GRAMD2A: variants seen among roughly 807,000 people sequenced by gnomAD.
GRAMD2A encodes GRAM domain-containing protein 2A.
GRAMD2A carries 37 observed loss-of-function variants against 51.1 expected under a neutral mutation model. That is an observed-to-expected ratio of 0.72 (90% CI 0.56 to 0.95). The LOEUF (loss-of-function observed/expected upper bound fraction) is 0.95, where lower values mean the gene tolerates loss of function less well. GRAMD2A is among the 40% of genes least tolerant of loss of function. The pLI, the probability that GRAMD2A is intolerant of heterozygous loss-of-function variation, is 0.00. For missense variants in GRAMD2A, 414 were observed against 426.9 expected, an observed-to-expected ratio of 0.97 and a Z score of 0.27; for synonymous variants, 136 against 157.1, an observed-to-expected ratio of 0.87 and a Z score of 1.01.
At position 72,166,606 on chromosome 15, in the gene GRAMD2A, G is replaced by A; in HGVS notation, c.543+26C>T. ...GCATCCAGGCCTGAGCGACTTCCCT[G>A]GCCTTCCTGCTCCCAAGCTCCATAC... is the stretch of plus-strand genomic sequence containing the variant. On this transcript the variant is annotated intron_variant, in intron 7 of 11. Transcript: ENST00000309731. This position sits in a 1 kb window ranked among gnomAD's most constrained non-coding sequence, Gnocchi z 4.1. The A allele has an allele frequency of 6.3e-7, 1 of 1,590,534 alleles. No individual in the cohort carries two copies. Among genetic ancestry groups the A allele is most frequent in the South Asian group, 1.1e-5 (1 of 90,572 alleles).
intron 1 of GRAMD2A, among the ~76,000 whole-genome samples, chr15:72,187,101 A>G (rs994477786): frequency 1.3e-5 from 2 of 151,916 alleles, no homozygotes; most frequent in African/African-American, 4.8e-5. Flanking sequence ...GTAGAGGTAG[A>G]GTGAGCTGAG....
chr15:72,183,641 C>G (rs2081714454), intron 1 of GRAMD2A, among the ~76,000 whole-genome samples: 1 of 152,074 alleles, frequency 6.6e-6, no homozygotes, highest in Non-Finnish European at 1.5e-5. Flanking sequence ...ACCAGCCTGG[C>G]CAACATGGTG....
chr15:72,195,877 G>T (rs1378406298), intron 1 of GRAMD2A, among the ~76,000 whole-genome samples: 1 of 151,332 alleles, frequency 6.6e-6, no homozygotes, highest in African/African-American at 2.4e-5. Context: ...CCGAGATCAC[G>T]CCATTGCACT....
In GRAMD2A at chr15:72,168,576, C is replaced by G. The variant is rs1270451874; in HGVS notation, c.193-10G>C. The G allele has an allele frequency of 1.9e-6, 3 of 1,612,174 alleles. No individual in the cohort carries two copies. Among genetic ancestry groups the G allele is most frequent in the Admixed American group, 1.7e-5 (1 of 60,022 alleles). On this transcript the variant is annotated splice_polypyrimidine_tract_variant and intron_variant, in intron 3 of 11. Coordinates refer to ENST00000309731, the MANE Select transcript of GRAMD2A (RefSeq NM_001012642.3). ...ATTTATTCAGTGTTATCTGCAAACA[C>G]ACAGGCTGCGTCTGAGAAGCGCTGG...
In GRAMD2A at chr15:72,163,248, C is replaced by T. The variant is rs1369148804; in HGVS notation, c.956+18G>A. On this transcript the variant is annotated intron_variant, in intron 10 of 11. Transcript: ENST00000309731. ...ACATGCAGGTGGGTCTGTCCCCCTC[C>T]CCAGTATAGTCACTTACAGCACAAA... 1.9e-6 allele frequency: 3 copies of T among 1,590,984 alleles called. No homozygotes were observed. Among genetic ancestry groups the T allele is most frequent in the Non-Finnish European group, 2.6e-6 (3 of 1,159,106 alleles).
intron 4 of GRAMD2A, 65 bp from the exon 5 acceptor site, chr15:72,167,904 G>A (rs2081566152): frequency 1.7e-6 from 2 of 1,158,808 alleles, no homozygotes; most frequent in Non-Finnish European, 2.6e-6. Context: ...CAGGACCTGG[G>A]TCCTCACGTT....
chr15:72,172,132 T>A (rs922619356), intron 1 of GRAMD2A, among the ~76,000 whole-genome samples: 2 of 151,862 alleles, frequency 1.3e-5, no homozygotes, highest in Non-Finnish European at 2.9e-5. Flanking sequence ...GGCCTTTTTT[T>A]TTTTGAGACA....
chr15:72,167,956 C>A lies in GRAMD2A; in HGVS notation c.269-117G>T, dbSNP rs879602163. 6.9e-6 allele frequency: 5 copies of A among 722,050 alleles called. No individual in the cohort carries two copies. The East Asian group carries it at 1.3e-4, about 19-fold the overall frequency. 44.7% of individuals were successfully genotyped at this position (722,050 alleles called of 1,614,324 possible). A position where few individuals can be genotyped will look rare whatever the true frequency, so the allele number is the denominator to read the frequency against. ...AGCCTCAGGACCTGTCTTCCTCAGA[C>A]TCCCCCTTCCCCACCGCAGGCCCCA... On this transcript the variant is annotated intron_variant, in intron 4 of 11. Transcript: ENST00000309731.
chr15:72,169,662 G>A (rs2081588331), intron 2 of GRAMD2A, 185 bp downstream of exon 2: 1 of 697,944 alleles, frequency 1.4e-6, no homozygotes, highest in Non-Finnish European at 2.6e-6. Flanking sequence ...ACTCTGCTAG[G>A]TCCCAGTGCA....
At position 72,181,102 on chromosome 15, in the gene GRAMD2A, A is replaced by G. The variant is rs1383278766; in HGVS notation, c.42-11163T>C. Among the ~76,000 whole-genome samples the G allele has an allele frequency of 2.0e-5, 3 of 152,248 alleles. No individual in the cohort carries two copies. The East Asian group carries it at 5.8e-4, about 29-fold the overall frequency. On this transcript the variant is annotated intron_variant, in intron 1 of 11. Coordinates refer to ENST00000309731, the MANE Select transcript of GRAMD2A (RefSeq NM_001012642.3). ...GGGGTTGCCATATACAAAGGCCCCA[A>G]GGCCAGAAGTGTGCAGCATGTGTGA...
At position 72,170,421 on chromosome 15, in the gene GRAMD2A, G is replaced by T; in HGVS notation, c.42-482C>A. The T allele has an allele frequency of 2.2e-6, 1 of 456,188 alleles. No homozygotes were observed. Among genetic ancestry groups the T allele is most frequent in the South Asian group, 1.5e-5 (1 of 64,558 alleles). The allele number at this position is 456,188 out of a possible 1,614,324, so 28.3% of individuals were successfully genotyped here. On this transcript the variant is annotated intron_variant, in intron 1 of 11. Coordinates refer to ENST00000309731, the MANE Select transcript of GRAMD2A (RefSeq NM_001012642.3). This position sits in a 1 kb window ranked among gnomAD's most constrained non-coding sequence, Gnocchi z 4.5. ...CTTATCAAAGCTCAGGAGCTGATGC[G>T]CTGAAGGTGTGGGAGGTGGACGCCC...
At chr15:72,176,403 C>T (rs2081653236) in intron 1 of GRAMD2A, 1 of 152,322 alleles carries the variant, frequency 6.6e-6, no homozygotes, top group Admixed American at 6.5e-5. Flanking sequence ...GGTGACCGCA[C>T]TCTCCCAAGC....
chr15:72,172,141 C>T (rs1166581878), intron 1 of GRAMD2A, among the ~76,000 whole-genome samples: 1 of 145,148 alleles, frequency 6.9e-6, no homozygotes, highest in African/African-American at 2.6e-5. Flanking sequence ...TTTTTTGAGA[C>T]AGGGTTTCAC....
intron 1 of GRAMD2A, among the ~76,000 whole-genome samples, chr15:72,176,987 C>T (rs1596690958): frequency 6.6e-6 from 1 of 151,576 alleles, no homozygotes; most frequent in African/African-American, 2.4e-5. Context: ...GCCTAAGCCT[C>T]CCAAAGTAGG....
rs934851125 is a variant in GRAMD2A at position 72,166,342 on chromosome 15, G to T, written c.543+290C>A. ...GTGTACCTCTATTAAACACATTTTT[G>T]ACTTACGATATTTTCAACTTTTGAT... On this transcript the variant is annotated intron_variant, in intron 7 of 11. Transcript: ENST00000309731. This position sits in a 1 kb window ranked among gnomAD's most constrained non-coding sequence, Gnocchi z 4.1. 6.6e-6 allele frequency among the ~76,000 whole-genome samples: 1 copy of T among 152,186 alleles called. No individual in the cohort carries two copies. The highest frequency in any genetic ancestry group is 1.5e-5 in the Non-Finnish European group (1 of 68,036).
In GRAMD2A at chr15:72,170,298, T is replaced by C; in HGVS notation, c.42-359A>G. The C allele has an allele frequency of 2.1e-6, 1 of 485,952 alleles. No homozygotes were observed. The highest frequency in any genetic ancestry group is 4.0e-6 in the Non-Finnish European group (1 of 247,034). 30.1% of individuals were successfully genotyped at this position (485,952 alleles called of 1,614,324 possible). A position where few individuals can be genotyped will look rare whatever the true frequency, so the allele number is the denominator to read the frequency against. On this transcript the variant is annotated intron_variant, in intron 1 of 11. Transcript: ENST00000309731. The surrounding 1 kb of genome is among the most constrained non-coding windows in gnomAD (Gnocchi z 4.5). The stretch of plus-strand genomic sequence containing the variant: ...GGAGGCACACTGAGAGGGAGGACCC[T>C]GAGACTCGCTTATGCCGAGAACAAA...
chr15:72,165,163 T>C (rs571717682), intron 8 of GRAMD2A, among the ~76,000 whole-genome samples, 191 bp downstream of exon 8: 1 of 152,270 alleles, frequency 6.6e-6, no homozygotes, highest in East Asian at 1.9e-4. Flanking sequence ...AAAGAAAGCC[T>C]ATCTGCTGAG....
intron 1 of GRAMD2A, among the ~76,000 whole-genome samples, chr15:72,194,231 T>G (rs1465487767): frequency 6.6e-6 from 1 of 152,158 alleles, no homozygotes; most frequent in Admixed American, 6.5e-5. Context: ...GGAGAAAAAT[T>G]ATTTTCTGGT....
intron 1 of GRAMD2A, among the ~76,000 whole-genome samples, chr15:72,193,041 G>C (rs1054593398): frequency 1.3e-5 from 2 of 151,916 alleles, no homozygotes; most frequent in African/African-American, 2.4e-5. Flanking sequence ...CAGGAGAATC[G>C]CTTGAACCTG....
Sources: allele counts gnomAD v4.1 joint callset (sites outside exome capture counted in the v4.1 genomes callset), GRCh38; gene constraint gnomAD v4.1.1; non-coding constraint Gnocchi (gnomAD v3.1); transcripts MANE v1.5; gene names NCBI Gene and HGNC (gene_info 2026-07-23, HGNC 2026-07-21).